The following EHMT1 variants were observed in gnomAD, a reference collection of about 807,000 sequenced individuals.
EHMT1 encodes the protein euchromatic histone lysine methyltransferase 1, also known as histone-lysine N-methyltransferase EHMT1.
EHMT1 carries 15 observed loss-of-function variants against 147.2 expected under a neutral mutation model. The observed-to-expected ratio is 0.10, with a 90% CI of 0.07 to 0.16. The LOEUF is 0.16. Among genes scored for constraint, EHMT1 ranks in the 10% least tolerant of loss-of-function variants. The pLI is 1.00. For synonymous variants in EHMT1, 795 were observed against 709.6 expected (o/e 1.12, Z -1.91); for missense variants, 1,587 against 1,772.4 (o/e 0.90, Z 1.88).
At chr9:137,811,834 T>C (rs1954511840) in intron 19 of EHMT1, among the ~76,000 whole-genome samples, 1 of 152,132 alleles carries the variant, frequency 6.6e-6, no homozygotes, top group South Asian at 2.1e-4. Flanking sequence ...TTAGGGAGGA[T>C]TGTCATGAAA....
chr9:137,831,693 G>GAC lies in EHMT1; in HGVS notation c.3541-2656_3541-2655insAC, dbSNP rs2133087504. Among the ~76,000 whole-genome samples the GAC allele has an allele frequency of 2.6e-5, 4 of 152,282 alleles. No homozygotes were observed. The East Asian group carries it at 7.7e-4, about 29-fold the overall frequency. On this transcript the variant is annotated intron_variant, in intron 25 of 26. Coordinates refer to ENST00000460843, the MANE Select transcript of EHMT1 (RefSeq NM_024757.5). ...ATACGTGTCTGTTGGCCCAGTGTCTGGTTCATCTCAAGGCTGGACTCAGTT... is the reference window on the plus strand; with the variant it reads ...ATACGTGTCTGTTGGCCCAGTGTCTGACGTTCATCTCAAGGCTGGACTCAGTT...
chr9:137,743,445 C>G lies in EHMT1; in HGVS notation c.898C>G (p.Pro300Ala). The change falls in exon 5 of 27, where the codon CCT becomes GCT. Residue 300 changes from proline to alanine, a missense_variant. This residue lies in a region of EHMT1 where 810 missense variants were observed against 673.0 expected (regional missense o/e 1.20). Transcript: ENST00000460843. ...KRRMGTYSLV[P>A]KKKTKVLKQR... ...AAGAATGGGAACCTATAGCCTGGTTCCTAAGAAAAAGACCAAAGTATTAAA... is the reference window on the plus strand; with the variant it reads ...AAGAATGGGAACCTATAGCCTGGTTGCTAAGAAAAAGACCAAAGTATTAAA... The G allele has an allele frequency of 1.2e-6, 2 of 1,613,148 alleles. No individual in the cohort carries two copies. The highest frequency in any genetic ancestry group is 1.7e-6 in the Non-Finnish European group (2 of 1,179,906).
chr9:137,825,251 T>C (rs1955730647), intron 25 of EHMT1, among the ~76,000 whole-genome samples: 1 of 152,214 alleles, frequency 6.6e-6, no homozygotes, highest in African/African-American at 2.4e-5. Flanking sequence ...GATGGGTTGA[T>C]ACAAGGGAGA....
At chr9:137,715,721 C>T in intron 2 of EHMT1, 1 of 985,376 alleles carries the variant, frequency 1.0e-6, no homozygotes, top group South Asian at 4.7e-5. Context: ...GGAGAGTGAG[C>T]CTCTGTAGGG....
At chr9:137,728,559 C>A (rs1310476111) in intron 4 of EHMT1, 30 bp downstream of exon 4, 5 of 1,613,854 alleles carry the variant, frequency 3.1e-6, no homozygotes, top group Non-Finnish European at 4.2e-6. Context: ...TGTCTCTGCT[C>A]TTTGAATGTA....
intron 2 of EHMT1, 109 bp from the exon 3 acceptor site, chr9:137,716,517 G>C (rs1476516091): frequency 1.2e-6 from 1 of 837,746 alleles, no homozygotes; most frequent in Admixed American, 2.9e-5. Flanking sequence ...TGGTGTCATG[G>C]TGGGGGAGGA....
chr9:137,804,904 T>G (rs940100609), intron 18 of EHMT1, among the ~76,000 whole-genome samples: 2 of 152,216 alleles, frequency 1.3e-5, no homozygotes, highest in Admixed American at 1.3e-4. Context: ...GTTACCCATG[T>G]GTTATTCCAC....
chr9:137,646,627 G>A (rs1844909196), intron 1 of EHMT1, among the ~76,000 whole-genome samples: 1 of 152,162 alleles, frequency 6.6e-6, no homozygotes, highest in Non-Finnish European at 1.5e-5. Flanking sequence ...GTGGCCTGGG[G>A]GAGGTGTGGC....
chr9:137,812,053 T>C (rs1056272226), intron 19 of EHMT1, among the ~76,000 whole-genome samples: 1 of 152,176 alleles, frequency 6.6e-6, no homozygotes, highest in Admixed American at 6.5e-5. Flanking sequence ...ACTTGAGACC[T>C]TCAGCTGGGT....
intron 21 of EHMT1, 151 bp from the exon 22 acceptor site, chr9:137,814,280 T>C (rs1588860582): frequency 7.4e-6 from 6 of 811,422 alleles, no homozygotes; most frequent in South Asian, 1.4e-5. Context: ...CTGCACAGCC[T>C]TCTCCCTAAG....
intron 25 of EHMT1, among the ~76,000 whole-genome samples, chr9:137,820,718 GAGA>G (rs763268265): frequency 5.3e-5 from 8 of 152,284 alleles, no homozygotes; most frequent in Non-Finnish European, 8.8e-5. Flanking sequence ...ACTGCTTGTG[GAGA>G]AGATGTCTTT....
intron 1 of EHMT1, among the ~76,000 whole-genome samples, chr9:137,662,979 A>G (rs1484103897): frequency 6.6e-6 from 1 of 151,474 alleles, no homozygotes; most frequent in East Asian, 1.9e-4. Flanking sequence ...CTTTTAGTAG[A>G]TACAGGGTTT....
At chr9:137,693,962 G>T (rs1178543319) in intron 1 of EHMT1, among the ~76,000 whole-genome samples, 76 of 25,804 alleles carry the variant, frequency 2.9e-3, no homozygotes, top group South Asian at 7.9e-3. Flanking sequence ...ACACAGTGGC[G>T]CAGGACGCTG....
At chr9:137,762,239 G>A (rs887379333) in intron 9 of EHMT1, among the ~76,000 whole-genome samples, 26 of 150,772 alleles carry the variant, frequency 1.7e-4, no homozygotes, top group African/African-American at 5.4e-4. Flanking sequence ...TAGATGAACC[G>A]TTATTAAAAC....
chr9:137,773,199 A>G (rs181361609), intron 10 of EHMT1, among the ~76,000 whole-genome samples: 1 of 152,222 alleles, frequency 6.6e-6, no homozygotes, highest in Non-Finnish European at 1.5e-5. Context: ...ACCACATTGA[A>G]TTTTTGAAAA....
chr9:137,793,677 G>T (rs59712783), intron 16 of EHMT1, among the ~76,000 whole-genome samples: 1 of 152,336 alleles, frequency 6.6e-6, no homozygotes, highest in African/African-American at 2.4e-5. Flanking sequence ...AGCACATTCA[G>T]TCCATCCATA....
At chr9:137,759,031 G>T (rs1481350556) in intron 9 of EHMT1, among the ~76,000 whole-genome samples, 1 of 152,052 alleles carries the variant, frequency 6.6e-6, no homozygotes, top group Non-Finnish European at 1.5e-5. Flanking sequence ...GGAGGCTGAG[G>T]CAGGAGAATG....
chr9:137,761,913 T>G (rs893909049), intron 9 of EHMT1, among the ~76,000 whole-genome samples: 1 of 152,232 alleles, frequency 6.6e-6, no homozygotes, highest in Non-Finnish European at 1.5e-5. Context: ...TTGCCAAGCT[T>G]AAGGGTCTTC....
chr9:137,755,886 A>G (rs1235949556), intron 8 of EHMT1, among the ~76,000 whole-genome samples: 1 of 152,158 alleles, frequency 6.6e-6, no homozygotes, highest in African/African-American at 2.4e-5. Context: ...GCTCACTTTT[A>G]AAATCTGGTT....
Sources: gnomAD v4.1 joint callset for allele counts (sites outside exome capture counted in the v4.1 genomes callset) on GRCh38, gnomAD v4.1.1 for gene constraint, gnomAD v4.1.1 regional missense constraint, MANE v1.5 for transcripts, NCBI Gene and HGNC (gene_info 2026-07-23, HGNC 2026-07-21) for gene names.